Variants in SH2D6 observed in about 807,000 individuals in gnomAD.
The protein encoded by SH2D6 is SH2 domain containing 6, also known as SH2 domain-containing protein 6.
A neutral mutation model predicts 30.2 loss-of-function variants in SH2D6; 31 were observed. The ratio of observed to expected loss-of-function variants is 1.03; its 90% CI spans 0.77 to 1.38. The LOEUF is 1.38. Ranked by LOEUF, SH2D6 falls within the 40% of genes most tolerant of loss-of-function variation. SH2D6 has a pLI of 0.00. For missense variants in SH2D6, 240 were observed against 266.8 expected, an observed-to-expected ratio of 0.90 and a Z score of 0.70; for synonymous variants, 93 against 104.6, an observed-to-expected ratio of 0.89 and a Z score of 0.68.
In SH2D6 at chr2:85,434,124, C is replaced by G. The variant is rs1689099311; in HGVS notation, c.533+13C>G. ...CAGTGGTGCCCAGGTAAGTGCCCCA[C>G]CAGGTGTGCACCTGTGTGTATGTAT... On this transcript the variant is annotated intron_variant, in intron 17 of 23. Transcript: ENST00000469800. 1 of 1,549,884 alleles carries G rather than the reference C, an allele frequency of 6.5e-7. No individual in the cohort carries two copies. The highest frequency in any genetic ancestry group is 2.4e-5 in the East Asian group (1 of 40,932).
intron 14 of SH2D6, among the ~76,000 whole-genome samples, chr2:85,432,218 CTTTT>C (rs34171730): frequency 7.3e-6 from 1 of 136,578 alleles, no homozygotes; most frequent in Non-Finnish European, 1.6e-5. Flanking sequence ...AGAGTCTGCT[CTTTT>C]TTTTTTTTTT....
chr2:85,431,744 G>GA (rs1413096012), intron 13 of SH2D6, among the ~76,000 whole-genome samples, 155 bp from the exon 14 acceptor site: 1 of 152,208 alleles, frequency 6.6e-6, no homozygotes, highest in African/African-American at 2.4e-5. Flanking sequence ...TCACAGCAAA[G>GA]AAAGAGCCAC....
At chr2:85,423,337 T>G (rs1687818524) in intron 5 of SH2D6, among the ~76,000 whole-genome samples, 1 of 152,234 alleles carries the variant, frequency 6.6e-6, no homozygotes, top group Non-Finnish European at 1.5e-5. Flanking sequence ...GTTCAAGTGA[T>G]TCTCCTGTCT....
chr2:85,434,328 T>G lies in SH2D6; in HGVS notation c.534-12T>G. 1 of 1,542,228 alleles carries G rather than the reference T, an allele frequency of 6.5e-7. No individual in the cohort carries two copies. Among genetic ancestry groups the G allele is most frequent in the Non-Finnish European group, 8.8e-7 (1 of 1,141,358 alleles). ...AGACCCTGAGTTCTGTCCCCCGATT[T>G]GCTTCCCACAGGCCTACCACAGCCC... On this transcript the variant is annotated splice_polypyrimidine_tract_variant and intron_variant, in intron 17 of 23. Coordinates refer to ENST00000469800, the MANE Select transcript of SH2D6 (RefSeq NM_001394463.1).
intron 23 of SH2D6, 116 bp from the exon 24 acceptor site, chr2:85,436,721 A>G: frequency 1.4e-6 from 1 of 730,990 alleles, no homozygotes; most frequent in East Asian, 2.6e-5. Context: ...TAATGGGGAA[A>G]GCCTGCCTGG....
In SH2D6 at chr2:85,433,941, C is replaced by G. The variant is rs1689076678; in HGVS notation, c.455-92C>G. 4.6e-6 allele frequency: 5 copies of G among 1,083,716 alleles called. No homozygotes were observed. In the South Asian group the frequency reaches 7.6e-5, roughly 17 times the overall value. The allele number at this position is 1,083,716 out of a possible 1,614,324, so 67.1% of individuals were successfully genotyped here. On this transcript the variant is annotated intron_variant, in intron 16 of 23. Coordinates refer to ENST00000469800, the MANE Select transcript of SH2D6 (RefSeq NM_001394463.1). The stretch of plus-strand genomic sequence containing the variant: ...GAAAGTCCAGGCTGCAGAGAAGCAG[C>G]AGGCCCTGCAGCTGTTCTCAGCCCT...
At chr2:85,433,226 A>G in intron 15 of SH2D6, 105 bp downstream of exon 15, 1 of 827,808 alleles carries the variant, frequency 1.2e-6, no homozygotes, top group Non-Finnish European at 1.5e-6. Context: ...CCTGAAACCA[A>G]GGGAAAAGGC....
At chr2:85,436,684 G>A in intron 23 of SH2D6, 90 bp downstream of exon 23, 2 of 955,872 alleles carry the variant, frequency 2.1e-6, no homozygotes, top group South Asian at 2.8e-5. Flanking sequence ...CCTCACCCTA[G>A]CCTTTCCCAG....
intron 19 of SH2D6, 30 bp downstream of exon 19, chr2:85,434,527 G>GTT: frequency 6.5e-7 from 1 of 1,546,356 alleles, no homozygotes; most frequent in Non-Finnish European, 8.7e-7. Flanking sequence ...AAGGTAGTGA[G>GTT]TTATCCCAAC....
chr2:85,435,072 G>A lies in SH2D6; in HGVS notation c.597G>A (p.Arg199=), dbSNP rs1689271330. The A allele has an allele frequency of 1.3e-6, 2 of 1,520,268 alleles. No homozygotes were observed. The highest frequency in any genetic ancestry group is 5.3e-5 in the East Asian group (2 of 37,674). The allele number at this position is 1,520,268 out of a possible 1,614,324, so 94.2% of individuals were successfully genotyped here. A position where few individuals can be genotyped will look rare whatever the true frequency, so the allele number is the denominator to read the frequency against. Residue 199 remains arginine, a synonymous_variant, in exon 20 of 24, where the codon AGG becomes AGA. Transcript: ENST00000469800. ...GTADAASKEG[R]KSSLPSVAPT... is the part of the protein sequence containing the mutation. ...ATAATCTGCTTCTTCTAGAAGGAAG[G>A]AAATCGTCTCTTCCCTCTGTAGCCC...
At position 85,419,175 on chromosome 2, in the gene SH2D6, T is replaced by C. The variant is rs1168428452; in HGVS notation, c.-646T>C. On this transcript the variant is annotated 5_prime_UTR_variant, in exon 2 of 24. Transcript: ENST00000469800. The stretch of plus-strand genomic sequence containing the variant: ...GGTCAGGGATGTAGGTCCCAGGGTG[T>C]GCAGGCCGCGGTATCTGACCATCGT... 1 of 152,346 alleles carries C rather than the reference T, an allele frequency of 6.6e-6. No individual in the cohort carries two copies. The highest frequency in any genetic ancestry group is 1.5e-5 in the Non-Finnish European group (1 of 68,118). The allele number at this position is 152,346 out of a possible 1,614,324, so 9.4% of individuals were successfully genotyped here.
intron 14 of SH2D6, among the ~76,000 whole-genome samples, chr2:85,432,389 T>G (rs553007409): frequency 1.9e-4 from 25 of 130,604 alleles, no homozygotes; most frequent in African/African-American, 5.5e-4. Context: ...TTATTTATTT[T>G]TTTTGTTTTG....
chr2:85,434,002 G>T, intron 16 of SH2D6, 31 bp from the exon 17 acceptor site: 1 of 1,539,990 alleles, frequency 6.5e-7, no homozygotes, highest in East Asian at 2.4e-5. Context: ...CTGGTGCTCA[G>T]CCGAGCCCAG....
intron 16 of SH2D6, 149 bp from the exon 17 acceptor site, chr2:85,433,884 A>G (rs1689069358): frequency 1.3e-6 from 1 of 765,688 alleles, no homozygotes; most frequent in Admixed American, 2.7e-5. Context: ...TGCGGCCAGG[A>G]CAGCATCTGC....
At chr2:85,424,068 C>T (rs973440791) in intron 5 of SH2D6, among the ~76,000 whole-genome samples, 2 of 152,238 alleles carry the variant, frequency 1.3e-5, no homozygotes, top group African/African-American at 2.4e-5. Context: ...CTTCTGAGCT[C>T]CCCAGCTCCT....
chr2:85,435,233 T>G, intron 20 of SH2D6, 110 bp downstream of exon 20: 1 of 1,313,008 alleles, frequency 7.6e-7, no homozygotes, highest in Non-Finnish European at 1.1e-6. Context: ...CAAGAACACA[T>G]TGAACACACG....
chr2:85,424,566 A>T (rs543199344), intron 5 of SH2D6, among the ~76,000 whole-genome samples: 1 of 152,286 alleles, frequency 6.6e-6, no homozygotes, highest in South Asian at 2.1e-4. Context: ...CCTGGGCCAC[A>T]TAGCAAGACC....
At chr2:85,433,750 A>ACTCCTTCAGTCAC in intron 16 of SH2D6, 119 bp downstream of exon 16, 1 of 762,806 alleles carries the variant, frequency 1.3e-6, no homozygotes. Flanking sequence ...CCCCACCAAC[A>ACTCCTTCAGTCAC]CGCATTTGCC....
At chr2:85,431,992 AC>A (rs983545556) in intron 14 of SH2D6, 33 bp downstream of exon 14, 5 of 152,452 alleles carry the variant, frequency 3.3e-5, no homozygotes, top group Admixed American at 3.3e-4. Context: ...CTGTGGCTCC[AC>A]CCTGGGACGG....
Sources: gnomAD v4.1 joint callset for allele counts (sites outside exome capture counted in the v4.1 genomes callset) on GRCh38, gnomAD v4.1.1 for gene constraint, MANE v1.5 for transcripts, NCBI Gene and HGNC (gene_info 2026-07-23, HGNC 2026-07-21) for gene names.